KIAA0753: variants seen among roughly 807,000 people sequenced by gnomAD.
The protein encoded by KIAA0753 is protein moonraker.
KIAA0753 carries 114 observed loss-of-function variants against 116.9 expected under a neutral mutation model. The ratio of observed to expected loss-of-function variants is 0.98; its 90% CI spans 0.84 to 1.14. KIAA0753 has a LOEUF of 1.14. KIAA0753 is among the 50% of genes most tolerant of loss of function. The probability of loss-of-function intolerance (pLI) is 0.00; values close to 1 mark genes in which losing one functional copy is unlikely to be tolerated. For synonymous variants in KIAA0753, 405 were observed against 413.1 expected (o/e 0.98, Z 0.24); for missense variants, 1,156 against 1,172.4 (o/e 0.99, Z 0.20).
At chr17:6,614,875 T>C (rs960444859) in intron 7 of KIAA0753, among the ~76,000 whole-genome samples, 1 of 151,534 alleles carries the variant, frequency 6.6e-6, no homozygotes, top group Non-Finnish European at 1.5e-5. Flanking sequence ...CTCGGCTCAC[T>C]GCAACCTCCG....
At chr17:6,618,738 T>G (rs1034420932) in intron 7 of KIAA0753, among the ~76,000 whole-genome samples, 2 of 152,088 alleles carry the variant, frequency 1.3e-5, no homozygotes, top group African/African-American at 4.8e-5. Context: ...ATAAATCAAC[T>G]GAATTCTGGA....
In KIAA0753 at chr17:6,634,930, A is replaced by G. The variant is rs993206593; in HGVS notation, c.93+81T>C. 5 of 919,418 alleles carry G rather than the reference A, an allele frequency of 5.4e-6. No individual in the cohort carries two copies. The African/African-American group carries it at 6.6e-5, about 12-fold the overall frequency. The allele number at this position is 919,418 out of a possible 1,614,324, so 57.0% of individuals were successfully genotyped here. Reference sequence around the variant, plus strand: ...ATTGCTGAATCTAGGAGGTGATTTCAAAAGTGTTCACTGTCCTTTTCTTTC... The same window carrying G: ...ATTGCTGAATCTAGGAGGTGATTTCGAAAGTGTTCACTGTCCTTTTCTTTC... On this transcript the variant is annotated intron_variant, in intron 2 of 18. Coordinates refer to ENST00000361413, the MANE Select transcript of KIAA0753 (RefSeq NM_014804.3).
Position 6,635,022 on chromosome 17 carries a change from G to T in KIAA0753, c.82C>A (p.Leu28Ile). Residue 28 changes from leucine to isoleucine, a missense_variant, in exon 2 of 19, where the codon CTT becomes ATT. By Grantham distance (5) the Leu-to-Ile change is conservative. Transcript: ENST00000361413. ...AAAAATAGAACTACCTGGGTCTGAA[G>T]TACTTTGGGGTCGCTCCTCCCATCA... ...QLDGRSDPKV[L>I]QTQNQLQFNR... 1 of 1,602,558 alleles carries T rather than the reference G, an allele frequency of 6.2e-7. No homozygotes were observed. The highest frequency in any genetic ancestry group is 8.6e-7 in the Non-Finnish European group (1 of 1,169,446).
At chr17:6,640,133 C>A (rs1216804605) in intron 1 of KIAA0753, 1 of 152,650 alleles carries the variant, frequency 6.6e-6, no homozygotes, top group African/African-American at 2.4e-5. Flanking sequence ...GTCTCCCACT[C>A]CGAGGGCTTC....
At chr17:6,629,602 C>T (rs975716754) in intron 2 of KIAA0753, among the ~76,000 whole-genome samples, 2 of 152,138 alleles carry the variant, frequency 1.3e-5, no homozygotes, top group Admixed American at 6.5e-5. Flanking sequence ...TATGTACCCT[C>T]CTTAGGCCTA....
chr17:6,615,362 C>G (rs1228442832), intron 7 of KIAA0753, among the ~76,000 whole-genome samples: 1 of 152,106 alleles, frequency 6.6e-6, no homozygotes, highest in Non-Finnish European at 1.5e-5. Context: ...TTGAACTTGA[C>G]TTCGTAATGG....
intron 7 of KIAA0753, among the ~76,000 whole-genome samples, chr17:6,616,674 A>C (rs1711310169): frequency 6.6e-6 from 1 of 152,162 alleles, no homozygotes; most frequent in African/African-American, 2.4e-5. Context: ...AAAGTACAAA[A>C]AATTAGCTGG....
intron 7 of KIAA0753, among the ~76,000 whole-genome samples, chr17:6,619,092 G>C (rs964300254): frequency 2.6e-5 from 4 of 152,068 alleles, no homozygotes; most frequent in African/African-American, 9.7e-5. Context: ...AGCTGGGCGT[G>C]GTGGCACGCA....
rs71157206 is a variant in KIAA0753 at position 6,610,516 on chromosome 17, C to CTTTTT, written c.1546-361_1546-357dup. Reference sequence around the variant, plus strand: ...TATTTTTCTTTTTTCTTTTCTTTCTCTTTTTTTTTTTTTTTTTTTTAAGAG... The same window carrying CTTTTT: ...TATTTTTCTTTTTTCTTTTCTTTCTCTTTTTTTTTTTTTTTTTTTTTTTTTAAGAG... On this transcript the variant is annotated intron_variant, in intron 8 of 18. Transcript: ENST00000361413. Among the ~76,000 whole-genome samples, 13 of 113,436 alleles carry CTTTTT rather than the reference C, an allele frequency of 1.1e-4. 1 individual carries two copies. The highest frequency in any genetic ancestry group is 3.1e-4 in the African/African-American group (9 of 29,270). 74.4% of individuals were successfully genotyped at this position (113,436 alleles called of 152,430 possible).
chr17:6,625,659 T>TG (rs202192026), intron 3 of KIAA0753, among the ~76,000 whole-genome samples: 3,120 of 145,486 alleles, frequency 0.021, 103 homozygotes, highest in African/African-American at 0.07. Flanking sequence ...AAAATGAGAC[T>TG]GTCTTAAAAA....
chr17:6,616,262 T>G (rs898089830), intron 7 of KIAA0753, among the ~76,000 whole-genome samples: 20 of 152,190 alleles, frequency 1.3e-4, no homozygotes, highest in Non-Finnish European at 2.8e-4. Flanking sequence ...ATGGAGCTGT[T>G]CCCCATAAAT....
rs764876818 is a variant in KIAA0753, at chr17:6,606,868, C to G, written c.2009+5G>C. On this transcript the variant is annotated splice_donor_5th_base_variant and intron_variant, in intron 12 of 18. Coordinates refer to ENST00000361413, the MANE Select transcript of KIAA0753 (RefSeq NM_014804.3). ...CACTATTCTTCCTAAGAAGCAAACA[C>G]ATACCTCAATTGTTGGAGTCTATAC... 1.2e-5 allele frequency: 19 copies of G among 1,611,554 alleles called. 1 individual carries two copies. The South Asian group carries it at 2.1e-4, about 18-fold the overall frequency.
In KIAA0753 at chr17:6,639,226, C is replaced by T. The variant is rs1157009243; in HGVS notation, c.-69+1411G>A. On this transcript the variant is annotated intron_variant, in intron 1 of 18. Transcript: ENST00000361413. This position sits in a 1 kb window ranked among gnomAD's most constrained non-coding sequence, Gnocchi z 4.3. ...CACAGCCTGTCCCCTCCCCCATACG[C>T]CAGGGGTGGCCCCACAGACTGCTTC... The T allele has an allele frequency of 2.0e-5, 3 of 152,442 alleles. No individual in the cohort carries two copies. Among genetic ancestry groups the T allele is most frequent in the Non-Finnish European group, 4.4e-5 (3 of 68,460 alleles). 9.4% of individuals were successfully genotyped at this position (152,442 alleles called of 1,614,324 possible). A position where few individuals can be genotyped will look rare whatever the true frequency, so the allele number is the denominator to read the frequency against.
In KIAA0753 at chr17:6,599,610, T is replaced by C. The variant is rs146056312; in HGVS notation, c.2089-290A>G. Among the ~76,000 whole-genome samples, 690 of 152,258 alleles carry C rather than the reference T, an allele frequency of 4.5e-3. 8 individuals are homozygous for C. Among genetic ancestry groups the C allele is most frequent in the African/African-American group, 0.016 (650 of 41,564 alleles). ...TTCCACAGCTTCCTCAATGATAAAA[T>C]GAGGAAGTTGAACTACTTGATTTCT... On this transcript the variant is annotated intron_variant, in intron 13 of 18. Transcript: ENST00000361413.
In KIAA0753 at chr17:6,613,556, T is replaced by C. The variant is rs145056746; in HGVS notation, c.1316-1408A>G. Among the ~76,000 whole-genome samples, 1,270 of 152,102 alleles carry C rather than the reference T, an allele frequency of 8.3e-3. 16 individuals carry two copies. Among genetic ancestry groups the C allele is most frequent in the African/African-American group, 0.028 (1,163 of 41,474 alleles). On this transcript the variant is annotated intron_variant, in intron 7 of 18. Coordinates refer to ENST00000361413, the MANE Select transcript of KIAA0753 (RefSeq NM_014804.3). Reference sequence around the variant, plus strand: ...TAGTGATAAAACATTAAAGGCAGTGTGGGAGTGATGCAAACACAGGCAGAA... The same window carrying C: ...TAGTGATAAAACATTAAAGGCAGTGCGGGAGTGATGCAAACACAGGCAGAA...
intron 3 of KIAA0753, among the ~76,000 whole-genome samples, chr17:6,627,447 C>G (rs763079478): frequency 6.6e-6 from 1 of 152,176 alleles, no homozygotes; most frequent in Admixed American, 6.5e-5. Context: ...TTTTGATGCT[C>G]AACTCCATAC....
In KIAA0753 at chr17:6,628,768, G is replaced by A. The variant is rs371166772; in HGVS notation, c.94-27C>T. 4.5e-6 allele frequency: 7 copies of A among 1,549,922 alleles called. No homozygotes were observed. In the African/African-American group the frequency reaches 5.5e-5, roughly 12 times the overall value. ...TTTAAAAAGCAAATAAAAGTAAGCA[G>A]ACATCAGAAAAATTTCATATTGCAC... is the stretch of plus-strand genomic sequence containing the variant. On this transcript the variant is annotated intron_variant, in intron 2 of 18. Transcript: ENST00000361413.
rs1281733912 is a variant in KIAA0753, at chr17:6,596,317, G to A, written c.2199C>T (p.Asn733=). Residue 733 remains asparagine (N), a synonymous_variant, in exon 15 of 19, where the codon AAC becomes AAT. Transcript: ENST00000361413. ...QEVAAVDFES[N]NIRQLDDFLE... ...AAAAATCATCAAGCTGACGAATGTT[G>A]TTGGATTCAAAATCAACAGCTGCAA... 2.9e-6 allele frequency: 4 copies of A among 1,402,124 alleles called. No individual in the cohort carries two copies. In the East Asian group the frequency reaches 1.6e-4, roughly 55 times the overall value. 86.9% of individuals were successfully genotyped at this position (1,402,124 alleles called of 1,614,324 possible). A position where few individuals can be genotyped will look rare whatever the true frequency, so the allele number is the denominator to read the frequency against.
chr17:6,591,040 G>GGAAGAAGGAAGAAGAAGAA, intron 16 of KIAA0753, among the ~76,000 whole-genome samples: 2 of 100,058 alleles, frequency 2.0e-5, no homozygotes, highest in South Asian at 3.5e-4. Context: ...GAAGGAAGAA[G>GGAAGAAGGAAGAAGAAGAA]GAAGAAGAAG....
Sources: allele counts gnomAD v4.1 joint callset (sites outside exome capture counted in the v4.1 genomes callset), GRCh38; gene constraint gnomAD v4.1.1; non-coding constraint Gnocchi (gnomAD v3.1); transcripts MANE v1.5; gene names NCBI Gene and HGNC (gene_info 2026-07-23, HGNC 2026-07-21).